Variants in LRP1B observed in about 807,000 individuals in gnomAD.
LRP1B encodes low-density lipoprotein receptor-related protein 1B.
Under a neutral mutation model 556.6 loss-of-function variants are expected in LRP1B, and 217 were observed. The ratio of observed to expected loss-of-function variants is 0.39; its 90% CI spans 0.35 to 0.44. LRP1B has a LOEUF of 0.44. Among genes scored for constraint, LRP1B ranks in the 20% least tolerant of loss-of-function variants. LRP1B has a pLI of 1.00. For missense variants in LRP1B, 5,053 were observed against 5,620.8 expected (o/e 0.90, Z 3.23); for synonymous variants, 2,047 against 1,865.8 (o/e 1.10, Z -2.50).
At chr2:141,551,717 C>A (rs753283029) in intron 2 of LRP1B, among the ~76,000 whole-genome samples, 4 of 151,996 alleles carry the variant, frequency 2.6e-5, no homozygotes, top group Non-Finnish European at 5.9e-5. Flanking sequence ...CATTGGCTCT[C>A]CAAATTTGGC....
chr2:141,243,951 C>T (rs72855058), intron 5 of LRP1B, among the ~76,000 whole-genome samples: 1 of 152,124 alleles, frequency 6.6e-6, no homozygotes, highest in Non-Finnish European at 1.5e-5. Context: ...ATGAATTTTA[C>T]TCGGGTTCAG....
intron 41 of LRP1B, among the ~76,000 whole-genome samples, chr2:140,613,235 TATTAC>T (rs2105229818): frequency 6.9e-6 from 1 of 144,934 alleles, no homozygotes; most frequent in East Asian, 2.0e-4. Flanking sequence ...AATATATATA[TATTAC>T]AATTATATTT....
intron 11 of LRP1B, among the ~76,000 whole-genome samples, chr2:141,032,364 T>C (rs769052317): frequency 5.3e-5 from 8 of 152,150 alleles, no homozygotes; most frequent in Non-Finnish European, 8.8e-5. Context: ...AGGTAACTAA[T>C]TGTGGAATTG....
chr2:140,778,315 A>G (rs1689570344), intron 32 of LRP1B, among the ~76,000 whole-genome samples: 1 of 152,180 alleles, frequency 6.6e-6, no homozygotes, highest in Non-Finnish European at 1.5e-5. Flanking sequence ...TCAAAAATGA[A>G]TGGAATATAA....
intron 13 of LRP1B, 117 bp downstream of exon 13, chr2:141,015,579 A>G (rs1382299510): frequency 2.5e-6 from 2 of 814,236 alleles, no homozygotes; most frequent in Non-Finnish European, 3.8e-6. Flanking sequence ...CATGGAGACT[A>G]TTGGCAGCCA....
chr2:140,949,796 C>G (rs1290025052), intron 20 of LRP1B, among the ~76,000 whole-genome samples: 1 of 151,412 alleles, frequency 6.6e-6, no homozygotes, highest in Non-Finnish European at 1.5e-5. Context: ...AAAAATTAGC[C>G]GGGCATGGTG....
intron 43 of LRP1B, among the ~76,000 whole-genome samples, chr2:140,588,804 A>C (rs1450192118): frequency 6.7e-6 from 1 of 150,024 alleles, no homozygotes; most frequent in Non-Finnish European, 1.5e-5. Flanking sequence ...CTAAAAATAC[A>C]AAAAATCAGC....
At chr2:141,727,128 C>T (rs918005993) in intron 2 of LRP1B, among the ~76,000 whole-genome samples, 1 of 151,648 alleles carries the variant, frequency 6.6e-6, no homozygotes, top group African/African-American at 2.4e-5. Flanking sequence ...GAAGAAGAAA[C>T]AAGGAAAAGA....
At position 141,469,752 on chromosome 2, in the gene LRP1B, C is replaced by T. The variant is rs573665394; in HGVS notation, c.343+10644G>A. Reference sequence around the variant, plus strand: ...AGATTAGGCTCAACAGATCTCAAGTCTTCTAAATATTTATGGTTAATTCTC... The same window carrying T: ...AGATTAGGCTCAACAGATCTCAAGTTTTCTAAATATTTATGGTTAATTCTC... On this transcript the variant is annotated intron_variant, in intron 3 of 90. Coordinates refer to ENST00000389484, the MANE Select transcript of LRP1B (RefSeq NM_018557.3). Among the ~76,000 whole-genome samples the T allele has an allele frequency of 1.2e-4, 18 of 152,254 alleles. No homozygotes were observed. The South Asian group carries it at 1.2e-3, about 11-fold the overall frequency.
intron 3 of LRP1B, among the ~76,000 whole-genome samples, chr2:141,398,203 A>C (rs1421051162): frequency 6.6e-6 from 1 of 152,210 alleles, no homozygotes; most frequent in Non-Finnish European, 1.5e-5. Context: ...GAGGGATAAA[A>C]AGAATGCAAA....
intron 17 of LRP1B, among the ~76,000 whole-genome samples, chr2:140,986,275 C>T (rs563273576): frequency 2.0e-5 from 3 of 152,078 alleles, no homozygotes; most frequent in Non-Finnish European, 4.4e-5. Flanking sequence ...ATGGACATTT[C>T]AATTGTTTCA....
At position 141,025,615 on chromosome 2, in the gene LRP1B, G is replaced by A. The variant is rs186866716; in HGVS notation, c.1790-5513C>T. ...GAAATTCTTCCTCCAGACTGTCTTT[G>A]AACTCAAGCAGCAACATCAGCTCTT... On this transcript the variant is annotated intron_variant, in intron 11 of 90. Transcript: ENST00000389484. Among the ~76,000 whole-genome samples, 226 of 152,166 alleles carry A rather than the reference G, an allele frequency of 1.5e-3. 2 individuals carry two copies. The highest frequency in any genetic ancestry group is 6.8e-3 in the Middle Eastern group (2 of 294).
rs561837463 is a variant in LRP1B at position 141,188,981 on chromosome 2, G to A, written c.851-398C>T. 1.0e-3 allele frequency among the ~76,000 whole-genome samples: 158 copies of A among 152,016 alleles called. 1 individual carries two copies. Among genetic ancestry groups the A allele is most frequent in the Admixed American group, 2.0e-3 (30 of 15,242 alleles). ...GAATAAATACCTTTTCTGAGTGTAA[G>A]GCAAATCCTTGTTTTCAGATTCCCT... is the stretch of plus-strand genomic sequence containing the variant. On this transcript the variant is annotated intron_variant, in intron 6 of 90. Coordinates refer to ENST00000389484, the MANE Select transcript of LRP1B (RefSeq NM_018557.3).
At chr2:140,728,418 T>G (rs1687667048) in intron 35 of LRP1B, among the ~76,000 whole-genome samples, 1 of 152,142 alleles carries the variant, frequency 6.6e-6, no homozygotes, top group African/African-American at 2.4e-5. Context: ...AAGGAGAAAT[T>G]TTTTTATTTT....
chr2:141,734,019 C>T (rs1017441997), intron 2 of LRP1B, among the ~76,000 whole-genome samples: 5 of 151,988 alleles, frequency 3.3e-5, no homozygotes, highest in Non-Finnish European at 7.4e-5. Context: ...TCATACCTAT[C>T]ATAATATTTG....
intron 43 of LRP1B, among the ~76,000 whole-genome samples, chr2:140,568,200 C>CAAA (rs56676136): frequency 4.0e-5 from 5 of 123,704 alleles, no homozygotes; most frequent in African/African-American, 8.7e-5. Flanking sequence ...CACCATGGTC[C>CAAA]AAAAAAAAAA....
intron 1 of LRP1B, among the ~76,000 whole-genome samples, chr2:141,938,651 T>C (rs1411588596): frequency 2.0e-5 from 3 of 152,114 alleles, no homozygotes; most frequent in Non-Finnish European, 4.4e-5. Context: ...ATGTCCATTA[T>C]AGCACTATTC....
At chr2:140,393,954 C>T (rs1210230760) in intron 66 of LRP1B, among the ~76,000 whole-genome samples, 1 of 152,042 alleles carries the variant, frequency 6.6e-6, no homozygotes, top group Non-Finnish European at 1.5e-5. Context: ...ATTTTAAACA[C>T]TCCTCAACGT....
At chr2:141,231,101 CT>C (rs1683442347) in intron 5 of LRP1B, among the ~76,000 whole-genome samples, 1 of 152,144 alleles carries the variant, frequency 6.6e-6, no homozygotes, top group Non-Finnish European at 1.5e-5. Flanking sequence ...GTATGACTAG[CT>C]ATTCAGAAAA....
Sources: gnomAD v4.1 joint callset for allele counts (sites outside exome capture counted in the v4.1 genomes callset) on GRCh38, gnomAD v4.1.1 for gene constraint, MANE v1.5 for transcripts, NCBI Gene and HGNC (gene_info 2026-07-23, HGNC 2026-07-21) for gene names.